Variants in PCDHA1 observed in about 807,000 individuals in gnomAD.
The protein encoded by PCDHA1 is protocadherin alpha 1.
In PCDHA1, 42 loss-of-function variants were observed where a neutral mutation model predicts 61.3. The ratio of observed to expected loss-of-function variants is 0.69; its 90% CI spans 0.54 to 0.89. The LOEUF is 0.89. PCDHA1 is among the 40% of genes least tolerant of loss of function. The pLI, the probability that PCDHA1 is intolerant of heterozygous loss-of-function variation, is 0.00. For missense variants in PCDHA1, 1,256 were observed against 1,235.3 expected (o/e 1.02, Z -0.25); for synonymous variants, 610 against 553.8 (o/e 1.10, Z -1.43).
At chr5:140,980,307 TA>T (rs1554241617) in intron 2 of PCDHA1, among the ~76,000 whole-genome samples, 2 of 152,140 alleles carry the variant, frequency 1.3e-5, no homozygotes, top group African/African-American at 4.8e-5. Context: ...AGTTGTGCCT[TA>T]AAAACTACAT....
chr5:140,805,293 A>G, intron 1 of PCDHA1: 1 of 1,272,316 alleles, frequency 7.9e-7, no homozygotes, highest in East Asian at 3.3e-5. Flanking sequence ...ATGGGTGAAA[A>G]TGGAATTCTT....
Position 140,883,794 on chromosome 5 carries a change from C to T in PCDHA1, c.2394+95110C>T, listed in dbSNP as rs781822448. On this transcript the variant is annotated intron_variant, in intron 1 of 3. Coordinates refer to ENST00000504120, the MANE Select transcript of PCDHA1 (RefSeq NM_018900.4). ...GAGCGTGCGCTGTCGAGCTACGTGT[C>T]GGTGCACGCGGAGAGCGGCAAGGTG... 8 of 1,612,476 alleles carry T rather than the reference C, an allele frequency of 5.0e-6. No individual in the cohort carries two copies. The East Asian group carries it at 1.6e-4, about 31-fold the overall frequency.
chr5:140,853,275 T>C lies in PCDHA1; in HGVS notation c.2394+64591T>C, dbSNP rs144030935. On this transcript the variant is annotated intron_variant, in intron 1 of 3. Coordinates refer to ENST00000504120, the MANE Select transcript of PCDHA1 (RefSeq NM_018900.4). The stretch of plus-strand genomic sequence containing the variant: ...TTCTCTCTCAGAGTACAAGCTCTCA[T>C]CATATGCAAATTCTCAGAAGGGCTG... The C allele has an allele frequency of 8.2e-6, 8 of 978,484 alleles. No homozygotes were observed. The East Asian group carries it at 9.1e-4, about 111-fold the overall frequency. The allele number at this position is 978,484 out of a possible 1,614,324, so 60.6% of individuals were successfully genotyped here. A position where few individuals can be genotyped will look rare whatever the true frequency, so the allele number is the denominator to read the frequency against.
intron 1 of PCDHA1, chr5:140,825,308 A>C (rs758999879): frequency 6.7e-6 from 1 of 148,832 alleles, no homozygotes. Flanking sequence ...TGGAACAATG[A>C]TTTAATTTTC....
chr5:140,810,980 TA>T (rs1554125624), intron 1 of PCDHA1: 1 of 152,128 alleles, frequency 6.6e-6, no homozygotes, highest in African/African-American at 2.4e-5. Context: ...TGTTGTGAGG[TA>T]GGGGTCAAGA....
intron 1 of PCDHA1, among the ~76,000 whole-genome samples, chr5:140,899,492 T>A (rs1325439071): frequency 3.9e-5 from 6 of 152,338 alleles, no homozygotes; most frequent in Admixed American, 3.3e-4. Context: ...CTGGATTACA[T>A]TTATTGATTT....
chr5:140,838,085 T>A (rs1166468292), intron 1 of PCDHA1, among the ~76,000 whole-genome samples: 6 of 64,192 alleles, frequency 9.3e-5, no homozygotes, highest in Non-Finnish European at 1.9e-4. Context: ...ATAGTGTGTG[T>A]GTGTGTGTGT....
intron 1 of PCDHA1, chr5:140,854,159 C>CAA (rs59855104): frequency 0.094 from 31,914 of 338,462 alleles, 1,044 homozygotes; most frequent in African/African-American, 0.16. Flanking sequence ...GATTCTGTCT[C>CAA]AAAAAAAAAA....
At chr5:140,805,078 C>T in intron 1 of PCDHA1, 2 of 1,593,568 alleles carry the variant, frequency 1.3e-6, no homozygotes, top group Non-Finnish European at 1.7e-6. Context: ...CTTCAATCTT[C>T]AAATCCAGCT....
rs57893927 is a variant in PCDHA1, at chr5:140,946,631, T to TATATATATATATATATATATATAC, written c.2395-32317_2395-32316insTATATATATATATATATATATACA. Among the ~76,000 whole-genome samples the TATATATATATATATATATATATAC allele has an allele frequency of 2.6e-3, 340 of 131,752 alleles. 23 individuals carry two copies. The highest frequency in any genetic ancestry group is 0.011 in the African/African-American group (303 of 28,632). The allele number at this position is 131,752 out of a possible 152,430, so 86.4% of individuals were successfully genotyped here. On this transcript the variant is annotated intron_variant, in intron 1 of 3. Transcript: ENST00000504120. ...TGTGAAATATATATATATATATATA[T>TATATATATATATATATATATATAC]ACAATGGAATACTCATCAGCCATTA...
At position 140,944,452 on chromosome 5, in the gene PCDHA1, G is replaced by A. The variant is rs147335783; in HGVS notation, c.2395-34497G>A. 1.8e-3 allele frequency among the ~76,000 whole-genome samples: 280 copies of A among 152,282 alleles called. 3 individuals are homozygous for A. Among genetic ancestry groups the A allele is most frequent in the African/African-American group, 6.4e-3 (266 of 41,552 alleles). ...TCTGCCTGCCTCGGCCTCCCAAAGTGCTGGGATTACAGGTATGAGGCACTG... is the reference window on the plus strand; with the variant it reads ...TCTGCCTGCCTCGGCCTCCCAAAGTACTGGGATTACAGGTATGAGGCACTG... On this transcript the variant is annotated intron_variant, in intron 1 of 3. Coordinates refer to ENST00000504120, the MANE Select transcript of PCDHA1 (RefSeq NM_018900.4).
Position 140,788,142 on chromosome 5 carries a change from G to T in PCDHA1, c.1852G>T (p.Ala618Ser), listed in dbSNP as rs200505783. 1.8e-4 allele frequency: 290 copies of T among 1,613,976 alleles called. No individual in the cohort carries two copies. The East Asian group carries it at 6.3e-3, about 35-fold the overall frequency. The change falls in exon 1 of 4, where the codon GCG (alanine) becomes TCG (serine). Residue 618 changes from alanine to serine, a missense_variant. Ala to Ser is a moderately conservative substitution (Grantham distance 99, BLOSUM62 1). Coordinates refer to ENST00000504120, the MANE Select transcript of PCDHA1 (RefSeq NM_018900.4). ...TGAACTGCAGCCGGCAGCAGGCGGC[G>T]CGCGCATCCCGTTCCGCGTGGGGCT... is the stretch of plus-strand genomic sequence containing the variant. Reference protein sequence around the residue: ...SYELQPAAGGARIPFRVGLYT... With the variant: ...SYELQPAAGGSRIPFRVGLYT...
chr5:140,830,645 T>C, intron 1 of PCDHA1: 1 of 469,736 alleles, frequency 2.1e-6, no homozygotes, highest in Non-Finnish European at 3.4e-6. Context: ...CTTTGCTTCT[T>C]TAATATTCAT....
intron 1 of PCDHA1, among the ~76,000 whole-genome samples, chr5:140,845,321 T>A (rs1395146345): frequency 6.7e-6 from 1 of 149,684 alleles, no homozygotes; most frequent in Non-Finnish European, 1.5e-5. Context: ...AGGTATTACT[T>A]TAATTACTGA....
intron 1 of PCDHA1, chr5:140,797,296 C>T: frequency 6.2e-7 from 1 of 1,614,226 alleles, no homozygotes; most frequent in South Asian, 1.1e-5. Context: ...TAGCTTATCT[C>T]AAGGTCCAGA....
chr5:140,877,458 G>T lies in PCDHA1; in HGVS notation c.2394+88774G>T, dbSNP rs200155876. 8.2e-5 allele frequency: 133 copies of T among 1,613,696 alleles called. 1 individual carries two copies. The highest frequency in any genetic ancestry group is 2.5e-5 in the Non-Finnish European group (30 of 1,179,864). ...ACGGTGAGCCCGCGCTGACGTCCAC[G>T]GCCACGGTGCTGGTGTCGCTGGTGG... On this transcript the variant is annotated intron_variant, in intron 1 of 3. Transcript: ENST00000504120.
intron 1 of PCDHA1, among the ~76,000 whole-genome samples, chr5:140,954,317 G>A (rs571385484): frequency 2.6e-5 from 4 of 152,292 alleles, no homozygotes; most frequent in East Asian, 3.9e-4. Context: ...GGATTGCTGC[G>A]TCAAATGGTA....
At position 140,788,073 on chromosome 5, in the gene PCDHA1, C is replaced by A. The variant is rs782570913; in HGVS notation, c.1783C>A (p.Arg595Ser). 7 of 1,614,008 alleles carry A rather than the reference C, an allele frequency of 4.3e-6. No individual in the cohort carries two copies. Among genetic ancestry groups the A allele is most frequent in the Admixed American group, 1.7e-5 (1 of 60,014 alleles). ...TGCGGGTCATGTGGTGGCGAAGGTG[C>A]GCGCAGTGGACGCCGACTCGGGCTA... ...VGAGHVVAKV[R>S]AVDADSGYNA... Residue 595 changes from arginine to serine, a missense_variant, in exon 1 of 4, where the codon CGC (arginine) becomes AGC (serine). By Grantham distance (110) the Arg-to-Ser change is moderately radical. Transcript: ENST00000504120.
chr5:140,802,416 T>C (rs1762908947), intron 1 of PCDHA1: 4 of 1,614,218 alleles, frequency 2.5e-6, no homozygotes, highest in African/African-American at 2.7e-5. Flanking sequence ...TTACTACTCA[T>C]TGGTGCTGGA....
Sources: gnomAD v4.1 joint callset for allele counts (sites outside exome capture counted in the v4.1 genomes callset) on GRCh38, gnomAD v4.1.1 for gene constraint, MANE v1.5 for transcripts, NCBI Gene and HGNC (gene_info 2026-07-23, HGNC 2026-07-21) for gene names.